DYSF: variants seen among roughly 807,000 people sequenced by gnomAD.
DYSF encodes the protein dysferlin, also known as dystrophy-associated fer-1-like 1.
A neutral mutation model predicts 274.9 loss-of-function variants in DYSF; 212 were observed. The ratio of observed to expected loss-of-function variants is 0.77; its 90% CI spans 0.69 to 0.86. The LOEUF is 0.86. DYSF is among the 40% of genes least tolerant of loss of function. The probability of loss-of-function intolerance (pLI) is 0.00; values close to 1 mark genes in which losing one functional copy is unlikely to be tolerated. For missense variants in DYSF, 2,666 were observed against 2,783.2 expected (o/e 0.96, Z 0.95); for synonymous variants, 1,091 against 1,078.7 (o/e 1.01, Z -0.22).
intron 42 of DYSF, among the ~76,000 whole-genome samples, chr2:71,645,189 G>A (rs1042689995): frequency 1.3e-5 from 2 of 152,158 alleles, no homozygotes; most frequent in African/African-American, 4.8e-5. Flanking sequence ...TCTGTATCCC[G>A]GGGTTTCTTG....
chr2:71,682,307 G>C lies in DYSF; in HGVS notation c.6174-223G>C, dbSNP rs148772363. 4.4e-3 allele frequency among the ~76,000 whole-genome samples: 668 copies of C among 152,202 alleles called. 5 individuals carry two copies. Among genetic ancestry groups the C allele is most frequent in the African/African-American group, 0.015 (627 of 41,516 alleles). On this transcript the variant is annotated intron_variant, in intron 54 of 55. Transcript: ENST00000410020. ...CACTGAGGATGCTTAGGGCTTGGCA[G>C]CACCCAGAAGAGGAGGGCAGCACAG... is the stretch of plus-strand genomic sequence containing the variant.
At chr2:71,598,948 G>A (rs934244070) in intron 33 of DYSF, among the ~76,000 whole-genome samples, 1 of 152,244 alleles carries the variant, frequency 6.6e-6, no homozygotes, top group African/African-American at 2.4e-5. Flanking sequence ...GCTCATCAGT[G>A]GAAGGGAACA....
intron 32 of DYSF, among the ~76,000 whole-genome samples, chr2:71,592,002 TG>T (rs2093279528): frequency 6.6e-6 from 1 of 152,264 alleles, no homozygotes; most frequent in South Asian, 2.1e-4. Flanking sequence ...TAACTTGTCC[TG>T]GGAAACTTGT....
At chr2:71,588,413 TTTGGAGAGCAGGGGCACAG>T (rs1324150928) in intron 30 of DYSF, among the ~76,000 whole-genome samples, 1 of 151,852 alleles carries the variant, frequency 6.6e-6, no homozygotes, top group African/African-American at 2.4e-5. Context: ...GTGGGCATGG[TTTGGAGAGCAGGGGCACAG>T]TAGTGGCAGT....
Position 71,543,948 on chromosome 2 carries a change from CGGAGAG to C in DYSF, c.1576+4721_1576+4726del, listed in dbSNP as rs1380758919. 9.1e-5 allele frequency among the ~76,000 whole-genome samples: 13 copies of C among 142,890 alleles called. No homozygotes were observed. The East Asian group carries it at 1.4e-3, about 15-fold the overall frequency. The allele number at this position is 142,890 out of a possible 152,430, so 93.7% of individuals were successfully genotyped here. Reference sequence around the variant, plus strand: ...AAGGAGAGGGAGAGGGAGAGGGAGACGGAGAGGGAGAGGGAGACGGAGAGGGAGAGG... The same window carrying C: ...AAGGAGAGGGAGAGGGAGAGGGAGACGGAGAGGGAGACGGAGAGGGAGAGG... On this transcript the variant is annotated intron_variant, in intron 17 of 55. Transcript: ENST00000410020.
chr2:71,548,826 T>TAGGTGG (rs761028863), intron 17 of DYSF, among the ~76,000 whole-genome samples: 2 of 152,070 alleles, frequency 1.3e-5, no homozygotes, highest in Non-Finnish European at 2.9e-5. Context: ...ACACGGCCAC[T>TAGGTGG]AGGTGGAGAT....
intron 3 of DYSF, among the ~76,000 whole-genome samples, chr2:71,490,169 C>T (rs2083711144): frequency 6.6e-6 from 1 of 151,916 alleles, no homozygotes; most frequent in South Asian, 2.1e-4. Context: ...AAATTTAAAA[C>T]AACCAAAAAA....
intron 39 of DYSF, 72 bp downstream of exon 39, chr2:71,612,878 A>G: frequency 6.6e-7 from 1 of 1,524,772 alleles, no homozygotes; most frequent in Non-Finnish European, 8.9e-7. Flanking sequence ...TTCCTAGTTG[A>G]GATGCATCCT....
intron 3 of DYSF, among the ~76,000 whole-genome samples, chr2:71,485,280 G>A (rs1229718589): frequency 6.6e-6 from 1 of 152,206 alleles, no homozygotes; most frequent in Non-Finnish European, 1.5e-5. Flanking sequence ...CCATGGCTGG[G>A]CATTGTGGCT....
At chr2:71,609,573 C>G (rs564362728) in intron 36 of DYSF, among the ~76,000 whole-genome samples, 2 of 152,352 alleles carry the variant, frequency 1.3e-5, no homozygotes, top group African/African-American at 4.8e-5. Context: ...TCATTTAATT[C>G]TCGGAGCAGC....
chr2:71,557,981 G>A (rs2091453076), intron 22 of DYSF, among the ~76,000 whole-genome samples: 1 of 151,666 alleles, frequency 6.6e-6, no homozygotes, highest in Non-Finnish European at 1.5e-5. Context: ...GCAGTGAGCT[G>A]AGATTGTGCC....
In DYSF at chr2:71,483,271, GA is replaced by G. The variant is rs143453593; in HGVS notation, c.239+1302del. On this transcript the variant is annotated intron_variant, in intron 3 of 55. Transcript: ENST00000410020. ...CTCAGACATCTCCACCTGCACGGGG[GA>G]CAGGGATTGGAATCATTTCAGCTAC... Among the ~76,000 whole-genome samples, 192 of 152,264 alleles carry G rather than the reference GA, an allele frequency of 1.3e-3. 1 individual carries two copies. Among genetic ancestry groups the G allele is most frequent in the African/African-American group, 4.4e-3 (183 of 41,544 alleles).
chr2:71,510,963 C>A (rs1160659780), intron 4 of DYSF, among the ~76,000 whole-genome samples: 3 of 152,190 alleles, frequency 2.0e-5, no homozygotes, highest in Admixed American at 1.3e-4. Context: ...CTGTGCTTCC[C>A]AAACTTTCTT....
At chr2:71,606,204 AG>A (rs2093643974) in intron 36 of DYSF, among the ~76,000 whole-genome samples, 1 of 152,102 alleles carries the variant, frequency 6.6e-6, no homozygotes, top group African/African-American at 2.4e-5. Context: ...AGTGGGCTTG[AG>A]GATGGCTTCA....
chr2:71,611,819 C>T (rs555880130), intron 38 of DYSF, among the ~76,000 whole-genome samples, 193 bp downstream of exon 38: 44 of 152,184 alleles, frequency 2.9e-4, no homozygotes, highest in Non-Finnish European at 3.7e-4. Flanking sequence ...GTAGGACAAA[C>T]GGGGCCAACC....
intron 4 of DYSF, among the ~76,000 whole-genome samples, chr2:71,509,205 C>T (rs10153604): frequency 0.063 from 9,614 of 151,846 alleles, 383 homozygotes; most frequent in African/African-American, 0.11. Context: ...ATTCTGTTGC[C>T]CAGCTGGAAT....
intron 4 of DYSF, among the ~76,000 whole-genome samples, chr2:71,508,563 C>A (rs1055890219): frequency 1.3e-5 from 2 of 152,174 alleles, no homozygotes; most frequent in African/African-American, 4.8e-5. Context: ...ATGTCCCCCA[C>A]ATTGGTTTTG....
chr2:71,639,738 A>C (rs1476668141), intron 41 of DYSF, among the ~76,000 whole-genome samples: 1 of 152,194 alleles, frequency 6.6e-6, no homozygotes. Flanking sequence ...TTTGGATAGA[A>C]TTCTGGAATA....
At chr2:71,581,063 G>A (rs373972655) in intron 30 of DYSF, among the ~76,000 whole-genome samples, 33 of 152,230 alleles carry the variant, frequency 2.2e-4, no homozygotes, top group African/African-American at 8.0e-4. Flanking sequence ...CACTGGAAAA[G>A]CAGGCGTAAG....
Sources: gnomAD v4.1 joint callset for allele counts (sites outside exome capture counted in the v4.1 genomes callset) on GRCh38, gnomAD v4.1.1 for gene constraint, MANE v1.5 for transcripts, NCBI Gene and HGNC (gene_info 2026-07-23, HGNC 2026-07-21) for gene names.